Variants in USP50 observed in about 807,000 individuals in gnomAD.
The protein encoded by USP50 is ubiquitin specific peptidase 50, also known as ubiquitin carboxyl-terminal hydrolase 50.
In USP50, 37 loss-of-function variants were observed where a neutral mutation model predicts 39.2. That is an observed-to-expected ratio of 0.94 (90% CI 0.73 to 1.24). The LOEUF is 1.24. Among genes scored for constraint, USP50 ranks in the 50% most tolerant of loss-of-function variants. The pLI, the probability that USP50 is intolerant of heterozygous loss-of-function variation, is 0.00. For synonymous variants in USP50, 139 were observed against 144.5 expected, an observed-to-expected ratio of 0.96 and a Z score of 0.27; for missense variants, 374 against 398.2, an observed-to-expected ratio of 0.94 and a Z score of 0.52.
In USP50 at chr15:50,541,278, C is replaced by A; in HGVS notation, c.445-14G>T. ...GGAGTAGTGGTACTGAATCAAGGAGCAAATTTCACCCAAATTAATTATTGG... is the reference window on the plus strand; with the variant it reads ...GGAGTAGTGGTACTGAATCAAGGAGAAAATTTCACCCAAATTAATTATTGG... On this transcript the variant is annotated splice_polypyrimidine_tract_variant and intron_variant, in intron 3 of 6. Transcript: ENST00000532404. The A allele has an allele frequency of 6.3e-7, 1 of 1,590,956 alleles. No homozygotes were observed.
At chr15:50,524,576 C>T (rs2141365858) in intron 6 of USP50, among the ~76,000 whole-genome samples, 1 of 152,342 alleles carries the variant, frequency 6.6e-6, no homozygotes, top group East Asian at 1.9e-4. Context: ...TATCACTTCA[C>T]ACCTGTTAGA....
rs747510800 is a variant in USP50, at chr15:50,544,605, T to A, written c.230A>T (p.Tyr77Phe). The stretch of plus-strand genomic sequence containing the variant: ...GTCTTACTTTTGCAGAGCGGTGATA[T>A]ACTTCCCGGTGAGAAAGTATTCCAC... ...PLVEYFLTGK[Y>F]ITALQNDCSE... The change falls in exon 2 of 7, where the codon TAT (tyrosine) becomes TTT (phenylalanine). Residue 77 changes from tyrosine to phenylalanine, a missense_variant. Transcript: ENST00000532404. The A allele has an allele frequency of 6.2e-7, 1 of 1,613,486 alleles. No individual in the cohort carries two copies. Among genetic ancestry groups the A allele is most frequent in the Non-Finnish European group, 8.5e-7 (1 of 1,179,726 alleles).
intron 6 of USP50, among the ~76,000 whole-genome samples, chr15:50,522,472 T>A (rs3131602): frequency 0.49 from 75,071 of 151,874 alleles, 18,916 homozygotes; most frequent in East Asian, 0.57. Context: ...TTAAAGAAGA[T>A]CTAGTACCAA....
chr15:50,544,373 T>TA (rs1168194501), intron 2 of USP50, among the ~76,000 whole-genome samples: 13 of 146,594 alleles, frequency 8.9e-5, no homozygotes, highest in Non-Finnish European at 9.0e-5. Flanking sequence ...ACAACAACAA[T>TA]AAAAAAAAAT....
At chr15:50,541,880 C>T (rs368262847) in intron 3 of USP50, among the ~76,000 whole-genome samples, 2 of 151,982 alleles carry the variant, frequency 1.3e-5, no homozygotes, top group South Asian at 2.1e-4. Context: ...TTACATTCTG[C>T]AGCCTTTACT....
At chr15:50,519,436 C>T (rs1379918559) in intron 6 of USP50, among the ~76,000 whole-genome samples, 2 of 151,836 alleles carry the variant, frequency 1.3e-5, no homozygotes, top group African/African-American at 2.4e-5. Context: ...ACCCTGAGGC[C>T]GGGTGCGGTG....
downstream of USP50, chr15:50,499,446 A>T (rs2052535358): frequency 6.1e-6 from 1 of 163,188 alleles, no homozygotes; most frequent in African/African-American, 2.4e-5. Context: ...CCATCTTGAT[A>T]TACTATGAAT....
intron 6 of USP50, 99 bp from the exon 7 acceptor site, chr15:50,500,936 T>G: frequency 2.0e-6 from 2 of 991,712 alleles, no homozygotes; most frequent in Non-Finnish European, 3.1e-6. Context: ...AATTGTCCCT[T>G]ATTCTAAATT....
chr15:50,525,660 ATATG>A (rs2052889144), intron 6 of USP50, among the ~76,000 whole-genome samples: 1 of 31,186 alleles, frequency 3.2e-5, no homozygotes, highest in African/African-American at 9.8e-5. Context: ...GTATATGTAT[ATATG>A]TATATGTATA....
At chr15:50,511,879 TC>T (rs2052742591) in intron 6 of USP50, 1 of 152,038 alleles carries the variant, frequency 6.6e-6, no homozygotes, top group Non-Finnish European at 1.5e-5. Flanking sequence ...ACACCTGTGG[TC>T]CCAGCTACTC....
At chr15:50,521,128 A>ACCT (rs2052846933) in intron 6 of USP50, among the ~76,000 whole-genome samples, 1 of 151,826 alleles carries the variant, frequency 6.6e-6, no homozygotes, top group Non-Finnish European at 1.5e-5. Context: ...TGCAACCTCC[A>ACCT]CCTCCCTGGT....
At chr15:50,502,992 A>G (rs539771896) in intron 6 of USP50, 2 of 152,296 alleles carry the variant, frequency 1.3e-5, no homozygotes, top group Admixed American at 1.3e-4. Flanking sequence ...ATTCCCTTCA[A>G]CCTTCGTCTT....
intron 5 of USP50, among the ~76,000 whole-genome samples, chr15:50,533,814 A>T (rs2052959868): frequency 6.6e-6 from 1 of 152,180 alleles, no homozygotes; most frequent in Non-Finnish European, 1.5e-5. Context: ...CACCCTGTTC[A>T]ACATGGTGAA....
chr15:50,498,503 T>C, downstream of USP50: 1 of 1,424,236 alleles, frequency 7.0e-7, no homozygotes, highest in South Asian at 1.7e-5. Flanking sequence ...GAAATGGATT[T>C]TACAGTCCTG....
rs2052912777 is a variant in USP50 at position 50,528,078 on chromosome 15, T to C, written c.936+1719A>G. 3.3e-5 allele frequency among the ~76,000 whole-genome samples: 5 copies of C among 151,246 alleles called. No homozygotes were observed. The South Asian group carries it at 6.3e-4, about 19-fold the overall frequency. On this transcript the variant is annotated intron_variant, in intron 6 of 6. Transcript: ENST00000532404. ...TAAAAGAACTAAGTTTTTTTTTTTT[T>C]TTTTTTTTTAGAGATGGGGTTTTGC...
At chr15:50,500,205 A>G (rs995978850), downstream of USP50, 3 of 152,270 alleles carry the variant, frequency 2.0e-5, no homozygotes, top group South Asian at 2.1e-4. Flanking sequence ...ATGTTTTACA[A>G]TTAGTCTAAG....
At chr15:50,500,937 A>T in intron 6 of USP50, 100 bp from the exon 7 acceptor site, 1 of 990,778 alleles carries the variant, frequency 1.0e-6, no homozygotes, top group Non-Finnish European at 1.5e-6. Context: ...ATTGTCCCTT[A>T]TTCTAAATTA....
intron 6 of USP50, chr15:50,511,086 C>G (rs930035795): frequency 1.3e-5 from 2 of 152,090 alleles, no homozygotes; most frequent in African/African-American, 4.8e-5. Flanking sequence ...CCGATGTACA[C>G]CAATGTTCTC....
intron 3 of USP50, among the ~76,000 whole-genome samples, chr15:50,542,737 C>T (rs1431631697): frequency 6.6e-6 from 1 of 152,050 alleles, no homozygotes; most frequent in Non-Finnish European, 1.5e-5. Flanking sequence ...GATCCACCCA[C>T]CTCAGCCTCC....
Sources: allele counts gnomAD v4.1 joint callset (sites outside exome capture counted in the v4.1 genomes callset), GRCh38; gene constraint gnomAD v4.1.1; transcripts MANE v1.5; gene names NCBI Gene and HGNC (gene_info 2026-07-23, HGNC 2026-07-21).